The following CSMD3 variants were observed in gnomAD, a reference collection of about 807,000 sequenced individuals.
CSMD3 encodes CUB and sushi domain-containing protein 3.
CSMD3 carries 177 observed loss-of-function variants against 435.2 expected under a neutral mutation model. That is an observed-to-expected ratio of 0.41 (90% CI 0.36 to 0.46). The LOEUF (loss-of-function observed/expected upper bound fraction) is 0.46. Ranked by LOEUF, CSMD3 falls within the 20% of genes least tolerant of loss-of-function variation. CSMD3 has a pLI of 0.34. For missense variants in CSMD3, 4,265 were observed against 4,504.6 expected, an observed-to-expected ratio of 0.95 and a Z score of 1.52; for synonymous variants, 1,656 against 1,520.5, an observed-to-expected ratio of 1.09 and a Z score of -2.07.
rs2131891525 is a variant in CSMD3, at chr8:113,173,859, C to T, written c.572G>A (p.Gly191Asp). The change falls in exon 4 of 71, where the codon GGC (glycine) becomes GAC (aspartate). Residue 191 changes from glycine to aspartate, a missense_variant. Coordinates refer to ENST00000297405, the MANE Select transcript of CSMD3 (RefSeq NM_198123.2). ...PGVPPKGVLY[G>D]TRFDVGDKIR... is the part of the protein sequence containing the mutation. ...CTTGTCCCCGACGTCGAATCTTGTG[C>T]CATATAATACACCTTTGGGTGGAAC... is the stretch of plus-strand genomic sequence containing the variant. 6.2e-7 allele frequency: 1 copy of T among 1,613,752 alleles called. No homozygotes were observed. The highest frequency in any genetic ancestry group is 8.5e-7 in the Non-Finnish European group (1 of 1,179,798).
chr8:113,047,658 A>G (rs2087893652), intron 5 of CSMD3, among the ~76,000 whole-genome samples: 3 of 152,224 alleles, frequency 2.0e-5, no homozygotes, highest in Non-Finnish European at 1.5e-5. Context: ...CAAAATAAGT[A>G]TCCTAGAATT....
chr8:112,430,896 A>ATGTG (rs61496543), intron 32 of CSMD3, among the ~76,000 whole-genome samples: 28,602 of 148,570 alleles, frequency 0.19, 3,192 homozygotes, highest in Middle Eastern at 0.36. Flanking sequence ...TTGTGTGTAT[A>ATGTG]TGTGTGTGTG....
At chr8:113,327,070 C>T (rs1357658317) in intron 1 of CSMD3, among the ~76,000 whole-genome samples, 1 of 152,130 alleles carries the variant, frequency 6.6e-6, no homozygotes, top group Admixed American at 6.5e-5. Flanking sequence ...TTTCCCACTG[C>T]CACCCAAGAG....
In CSMD3 at chr8:112,335,317, G is replaced by A. The variant is rs550927512; in HGVS notation, c.7165+12C>T. 1 of 1,612,600 alleles carries A rather than the reference G, an allele frequency of 6.2e-7. No individual in the cohort carries two copies. The highest frequency in any genetic ancestry group is 1.7e-5 in the Admixed American group (1 of 59,998). ...GTAGCAAATGAAATAGGAACTCTCAGATAATACCAACCGTGATAACTGAGC... is the reference window on the plus strand; with the variant it reads ...GTAGCAAATGAAATAGGAACTCTCAAATAATACCAACCGTGATAACTGAGC... On this transcript the variant is annotated intron_variant, in intron 45 of 70. Transcript: ENST00000297405.
chr8:113,302,264 T>C (rs1029478647), intron 2 of CSMD3, among the ~76,000 whole-genome samples: 5 of 113,748 alleles, frequency 4.4e-5, no homozygotes, highest in Non-Finnish European at 8.5e-5. Context: ...ATATAAAATA[T>C]ATATAATATA....
At chr8:112,593,386 A>C (rs540279042) in intron 22 of CSMD3, among the ~76,000 whole-genome samples, 1 of 152,176 alleles carries the variant, frequency 6.6e-6, no homozygotes, top group African/African-American at 2.4e-5. Flanking sequence ...ATGCCAAAGT[A>C]AAAGTTAGAA....
At chr8:113,373,830 T>C (rs1307220990) in intron 1 of CSMD3, among the ~76,000 whole-genome samples, 4 of 152,134 alleles carry the variant, frequency 2.6e-5, no homozygotes, top group Admixed American at 2.0e-4. Flanking sequence ...CACTATGATA[T>C]ATTGTTCCCT....
At chr8:112,907,753 G>A (rs181931004) in intron 10 of CSMD3, among the ~76,000 whole-genome samples, 1 of 151,218 alleles carries the variant, frequency 6.6e-6, no homozygotes, top group African/African-American at 2.4e-5. Flanking sequence ...ATTTTTAGAG[G>A]CTCCAAAATG....
At chr8:113,118,653 C>T (rs1470492619) in intron 4 of CSMD3, among the ~76,000 whole-genome samples, 1 of 152,108 alleles carries the variant, frequency 6.6e-6, no homozygotes, top group East Asian at 1.9e-4. Context: ...CAGAGCCACA[C>T]CCTGTATCTA....
At chr8:112,721,791 C>T (rs1161250954) in intron 13 of CSMD3, among the ~76,000 whole-genome samples, 1 of 152,068 alleles carries the variant, frequency 6.6e-6, no homozygotes, top group Admixed American at 6.6e-5. Context: ...AGCGATTAGC[C>T]TCCCAAATAT....
intron 30 of CSMD3, among the ~76,000 whole-genome samples, chr8:112,494,108 T>G (rs891505606): frequency 6.6e-6 from 1 of 152,130 alleles, no homozygotes; most frequent in Non-Finnish European, 1.5e-5. Context: ...AGGAGTTTAA[T>G]GTACTTTAGC....
At chr8:112,231,495 A>T (rs1472455745) in intron 69 of CSMD3, 50 bp downstream of exon 69, 1 of 1,101,534 alleles carries the variant, frequency 9.1e-7, no homozygotes. Context: ...TTTTTTTATG[A>T]TGTCTGGGAT....
At chr8:112,258,751 A>G (rs1453645328) in intron 61 of CSMD3, among the ~76,000 whole-genome samples, 1 of 152,168 alleles carries the variant, frequency 6.6e-6, no homozygotes, top group East Asian at 1.9e-4. Context: ...TAGAAATACC[A>G]TTTGATGGCC....
At chr8:112,236,137 GAC>G (rs1813574810) in intron 67 of CSMD3, among the ~76,000 whole-genome samples, 1 of 151,620 alleles carries the variant, frequency 6.6e-6, no homozygotes, top group Non-Finnish European at 1.5e-5. Flanking sequence ...TAATAAGAAT[GAC>G]ACTCAAAATT....
At chr8:112,970,319 C>A (rs1324208719) in intron 7 of CSMD3, among the ~76,000 whole-genome samples, 1 of 148,800 alleles carries the variant, frequency 6.7e-6, no homozygotes, top group Admixed American at 6.7e-5. Context: ...TGGCATGAAC[C>A]CAGGAGGCGG....
intron 27 of CSMD3, among the ~76,000 whole-genome samples, chr8:112,531,573 T>C (rs550208772): frequency 6.6e-6 from 1 of 151,990 alleles, no homozygotes; most frequent in South Asian, 2.1e-4. Context: ...CCCAAGAAAT[T>C]TTCCATGATC....
chr8:112,296,111 A>T, intron 53 of CSMD3, 105 bp from the exon 54 acceptor site: 1 of 874,004 alleles, frequency 1.1e-6, no homozygotes. Context: ...TCTTAAAAGC[A>T]AGCAACAAAT....
intron 32 of CSMD3, among the ~76,000 whole-genome samples, chr8:112,417,718 T>C (rs1299058943): frequency 6.6e-6 from 1 of 152,148 alleles, no homozygotes; most frequent in East Asian, 1.9e-4. Flanking sequence ...AAGGAAAATG[T>C]AATTATCAGC....
intron 32 of CSMD3, among the ~76,000 whole-genome samples, chr8:112,453,126 A>T (rs907883788): frequency 6.6e-6 from 1 of 152,174 alleles, no homozygotes; most frequent in African/African-American, 2.4e-5. Context: ...AGTTACCAGT[A>T]AGTAAATGGC....
Sources: allele counts gnomAD v4.1 joint callset (sites outside exome capture counted in the v4.1 genomes callset), GRCh38; gene constraint gnomAD v4.1.1; transcripts MANE v1.5; gene names NCBI Gene and HGNC (gene_info 2026-07-23, HGNC 2026-07-21).